Variants in WDR4 observed in about 807,000 individuals in gnomAD.
WDR4 encodes WDR4 tRNA N7-guanosine methyltransferase non-catalytic subunit, also known as tRNA (guanine-N(7)-)-methyltransferase non-catalytic subunit WDR4.
A neutral mutation model predicts 48.6 loss-of-function variants in WDR4; 47 were observed. That is an observed-to-expected ratio of 0.97 (90% CI 0.77 to 1.23). The LOEUF is 1.23. Ranked by LOEUF, WDR4 falls within the 50% of genes most tolerant of loss-of-function variation. WDR4 has a pLI of 0.00. For synonymous variants in WDR4, 268 were observed against 230.0 expected (o/e 1.17, Z -1.49); for missense variants, 606 against 551.6 (o/e 1.10, Z -0.99).
rs1187132111 is a variant in WDR4 at position 42,876,734 on chromosome 21, A to G, written c.123T>C (p.Ser41=). 6.2e-7 allele frequency: 1 copy of G among 1,613,542 alleles called. No individual in the cohort carries two copies. The highest frequency in any genetic ancestry group is 8.5e-7 in the Non-Finnish European group (1 of 1,179,826). The part of the protein sequence containing the change: ...DDDSLFIYDC[S]AAEKKSQENK... ...TTTCTTGTGACTTCTTTTCTGCAGC[A>G]CTGCAGTCATAGATGAAGAGGCTGT... The change falls in exon 2 of 11, where the codon AGT becomes AGC. Residue 41 remains serine, a synonymous_variant. Coordinates refer to ENST00000398208, the MANE Select transcript of WDR4 (RefSeq NM_018669.6).
At chr21:42,848,272 C>T (rs928284174), downstream of WDR4, among the ~76,000 whole-genome samples, 2 of 152,154 alleles carry the variant, frequency 1.3e-5, no homozygotes, top group African/African-American at 4.8e-5. Context: ...CTGCCCATTG[C>T]AGAAGCCTCT....
chr21:42,876,676 C>T (rs752805556), intron 2 of WDR4, 26 bp downstream of exon 2: 3 of 1,608,420 alleles, frequency 1.9e-6, no homozygotes, highest in Non-Finnish European at 2.5e-6. Context: ...TAAAGCAGGC[C>T]CTGAAAAAGC....
At chr21:42,887,921 CA>C in the WDR4 span, among the ~76,000 whole-genome samples, 7 of 135,262 alleles carry the variant, frequency 5.2e-5, no homozygotes, top group Admixed American at 3.0e-4. Context: ...GACTCCGTGT[CA>C]AAAAAAAAAC....
chr21:42,847,131 A>G (rs1379301155), downstream of WDR4, among the ~76,000 whole-genome samples: 1 of 152,200 alleles, frequency 6.6e-6, no homozygotes, highest in Non-Finnish European at 1.5e-5. Context: ...AAATACATAG[A>G]AACTAAAAAA....
At chr21:42,859,594 G>GGC in intron 6 of WDR4, 68 bp downstream of exon 6, 3 of 511,148 alleles carry the variant, frequency 5.9e-6, no homozygotes, top group East Asian at 3.7e-5. Flanking sequence ...AGGTCCAGGA[G>GGC]GCGCCCACCC....
intron 6 of WDR4, among the ~76,000 whole-genome samples, 161 bp downstream of exon 6, chr21:42,859,501 C>T (rs2058066373): frequency 1.3e-5 from 2 of 152,018 alleles, no homozygotes; most frequent in Non-Finnish European, 2.9e-5. Flanking sequence ...AGTGAGCGGC[C>T]GCAGGCGGGG....
At chr21:42,850,282 G>A in intron 10 of WDR4, 40 bp from the exon 11 acceptor site, 3 of 1,544,718 alleles carry the variant, frequency 1.9e-6, no homozygotes, top group Non-Finnish European at 2.6e-6. Flanking sequence ...GGTGGGGCAG[G>A]AACATGGGAC....
At chr21:42,843,526 T>G (rs969072647) in intron 11 of WDR4, among the ~76,000 whole-genome samples, 5 of 145,102 alleles carry the variant, frequency 3.4e-5, no homozygotes, top group Admixed American at 2.9e-4. Flanking sequence ...TCCTCCCGCC[T>G]CAGCCTCCCG....
chr21:42,862,305 C>A lies in WDR4; in HGVS notation c.543G>T (p.Glu181Asp). The A allele has an allele frequency of 6.2e-7, 1 of 1,610,596 alleles. No individual in the cohort carries two copies. Among genetic ancestry groups the A allele is most frequent in the South Asian group, 1.1e-5 (1 of 90,310 alleles). The change falls in exon 5 of 11, where the codon GAG becomes GAT. Residue 181 changes from glutamate (E) to aspartate (D), a missense_variant. By Grantham distance (45) the Glu-to-Asp change is conservative (BLOSUM62 2). Transcript: ENST00000398208. This position sits in a 1 kb window ranked among gnomAD's most constrained non-coding sequence, Gnocchi z 4.3. ...VSWAAAPHSI[E>D]SFCLGHTEFV... The stretch of plus-strand genomic sequence containing the variant: ...ACTCTGTGTGCCCCAAGCAGAAGGA[C>A]TCGATGCTATGGGGCGCCGCGGCCC...
upstream of WDR4, chr21:42,879,871 T>TTCAA: frequency 2.5e-6 from 1 of 400,932 alleles, no homozygotes; most frequent in Middle Eastern, 6.3e-4. Context: ...GCCTGGTAAA[T>TTCAA]GATCCTTCAA....
At chr21:42,847,308 C>T (rs757345928), downstream of WDR4, among the ~76,000 whole-genome samples, 1 of 152,134 alleles carries the variant, frequency 6.6e-6, no homozygotes. Flanking sequence ...ACTCTAAATA[C>T]ACGCGGAGCT....
At chr21:42,863,303 C>G in intron 4 of WDR4, 137 bp downstream of exon 4, 1 of 1,074,668 alleles carries the variant, frequency 9.3e-7, no homozygotes, top group Non-Finnish European at 1.3e-6. Context: ...CCCCCACGTA[C>G]TGCGTCTAAC....
At chr21:42,859,597 G>GGGGCC in intron 6 of WDR4, 65 bp downstream of exon 6, 10 of 708,186 alleles carry the variant, frequency 1.4e-5, no homozygotes, top group African/African-American at 3.6e-5. Context: ...TCCAGGAGGC[G>GGGGCC]CCCACCCCAC....
At chr21:42,851,056 G>A (rs1381802059) in intron 10 of WDR4, among the ~76,000 whole-genome samples, 1 of 152,182 alleles carries the variant, frequency 6.6e-6, no homozygotes, top group Non-Finnish European at 1.5e-5. Context: ...CCCAACGCAG[G>A]CCCCCAAGTC....
intron 8 of WDR4, 152 bp from the exon 9 acceptor site, chr21:42,853,904 G>A (rs939735281): frequency 1.4e-5 from 12 of 850,302 alleles, no homozygotes; most frequent in South Asian, 5.3e-5. Context: ...AAATGCCGGC[G>A]CCGGGGAAAC....
At chr21:42,854,782 G>A (rs1051048359) in intron 7 of WDR4, among the ~76,000 whole-genome samples, 156 bp from the exon 8 acceptor site, 2 of 152,172 alleles carry the variant, frequency 1.3e-5, no homozygotes, top group Non-Finnish European at 2.9e-5. Context: ...GTGGGGAAAG[G>A]AGGGTAGCTG....
At chr21:42,849,164 T>TCA (rs560942483), downstream of WDR4, 559 of 106,970 alleles carry the variant, frequency 5.2e-3, 6 homozygotes, top group South Asian at 0.033. Flanking sequence ...AGCGTGCACC[T>TCA]CACACACACA....
chr21:42,879,156 C>G, intron 1 of WDR4: 3 of 1,296,980 alleles, frequency 2.3e-6, no homozygotes, highest in Non-Finnish European at 2.0e-6. Flanking sequence ...ACACCGCAGA[C>G]CAGCCATCTA....
At chr21:42,852,068 GGC>G (rs2057844616) in intron 10 of WDR4, among the ~76,000 whole-genome samples, 185 bp downstream of exon 10, 1 of 152,146 alleles carries the variant, frequency 6.6e-6, no homozygotes, top group African/African-American at 2.4e-5. Context: ...TCCCATGGGG[GGC>G]TCCTTCTTCT....
Sources: allele counts gnomAD v4.1 joint callset (sites outside exome capture counted in the v4.1 genomes callset), GRCh38; gene constraint gnomAD v4.1.1; non-coding constraint Gnocchi (gnomAD v3.1); transcripts MANE v1.5; gene names NCBI Gene and HGNC (gene_info 2026-07-23, HGNC 2026-07-21).